Variants in CCDC116 observed in about 807,000 individuals in gnomAD.
CCDC116 encodes coiled-coil domain containing 116, also known as coiled-coil domain-containing protein 116.
Under a neutral mutation model 29.4 loss-of-function variants are expected in CCDC116, and 24 were observed. The observed-to-expected ratio is 0.82, with a 90% CI of 0.59 to 1.15. The LOEUF (loss-of-function observed/expected upper bound fraction) is 1.15. Ranked by LOEUF, CCDC116 falls within the 50% of genes most tolerant of loss-of-function variation. The probability of loss-of-function intolerance (pLI) is 0.00; values close to 1 mark genes in which losing one functional copy is unlikely to be tolerated. For missense variants in CCDC116, 791 were observed against 804.0 expected, an observed-to-expected ratio of 0.98 and a Z score of 0.20; for synonymous variants, 298 against 331.4, an observed-to-expected ratio of 0.90 and a Z score of 1.10.
chr22:21,636,852 C>T lies in CCDC116; in HGVS notation c.1624C>T (p.Pro542Ser). 6.2e-7 allele frequency: 1 copy of T among 1,613,500 alleles called. No homozygotes were observed. The highest frequency in any genetic ancestry group is 1.3e-5 in the African/African-American group (1 of 75,024). ...CACTGCCCAGGACCAGGCCACAGAGCCCTGCCGCTCCCTCTACACCAACTT... is the reference window on the plus strand; with the variant it reads ...CACTGCCCAGGACCAGGCCACAGAGTCCTGCCGCTCCCTCTACACCAACTT... ...THTAQDQATE[P>S]CRSLYTNLPA... The change falls in exon 5 of 5, where the codon CCC (proline) becomes TCC (serine). Residue 542 changes from proline (P) to serine (S), a missense_variant. Coordinates refer to ENST00000292779, the MANE Select transcript of CCDC116 (RefSeq NM_152612.3).
intron 4 of CCDC116, chr22:21,635,619 A>G (rs1930769059): frequency 2.8e-6 from 2 of 702,708 alleles, no homozygotes; most frequent in Non-Finnish European, 5.2e-6. Flanking sequence ...TTGCAGGAGA[A>G]GGGCTCCTTG....
In CCDC116 at chr22:21,635,056, C is replaced by T. The variant is rs761384457; in HGVS notation, c.993C>T (p.Asp331=). 2.1e-5 allele frequency: 33 copies of T among 1,609,324 alleles called. No individual in the cohort carries two copies. The highest frequency in any genetic ancestry group is 3.3e-4 in the Middle Eastern group (2 of 6,084). ...VDKLRGAHCR[D]GRPLFPTSLE... ...AGCTCCGTGGCGCCCACTGCCGCGACGGCCGTCCTCTGTTCCCCACCAGCT... is the reference window on the plus strand; with the variant it reads ...AGCTCCGTGGCGCCCACTGCCGCGATGGCCGTCCTCTGTTCCCCACCAGCT... Residue 331 remains aspartate (D), a synonymous_variant, in exon 4 of 5, where the codon GAC becomes GAT. Coordinates refer to ENST00000292779, the MANE Select transcript of CCDC116 (RefSeq NM_152612.3).
chr22:21,636,542 C>G lies in CCDC116; in HGVS notation c.1314C>G (p.Phe438Leu). The change falls in exon 5 of 5, where the codon TTC becomes TTG. Residue 438 changes from phenylalanine (F) to leucine (L), a missense_variant. Transcript: ENST00000292779. ...GCCTTTATGAGGAGCTCGCCGACTT[C>G]CTGACCCAGCAGGCAGCCTCCTTGG... is the stretch of plus-strand genomic sequence containing the variant. ...SNRLYEELAD[F>L]LTQQAASLVI... is the part of the protein sequence containing the mutation. The G allele has an allele frequency of 6.2e-7, 1 of 1,614,100 alleles. No individual in the cohort carries two copies. The highest frequency in any genetic ancestry group is 8.5e-7 in the Non-Finnish European group (1 of 1,180,024).
At chr22:21,635,779 T>G (rs1930776995) in intron 4 of CCDC116, 4 of 589,452 alleles carry the variant, frequency 6.8e-6, no homozygotes, top group Non-Finnish European at 3.0e-6. Context: ...CACAGATAAA[T>G]AAAGGCTATT....
chr22:21,637,090 AGG>A lies in CCDC116; in HGVS notation c.*21_*22del, dbSNP rs2066039095. ...GTCTAGAGCCTCCCAGAGCCTGGAG[AGG>A]AGGCCTCGGTCAGCCACTCCGTGGA... On this transcript the variant is annotated 3_prime_UTR_variant, in exon 5 of 5. Coordinates refer to ENST00000292779, the MANE Select transcript of CCDC116 (RefSeq NM_152612.3). 4 of 1,580,986 alleles carry A rather than the reference AGG, an allele frequency of 2.5e-6. No homozygotes were observed. The Admixed American group carries it at 5.4e-5, about 21-fold the overall frequency.
chr22:21,635,856 A>C, intron 4 of CCDC116: 1 of 539,160 alleles, frequency 1.9e-6, no homozygotes, highest in Non-Finnish European at 3.3e-6. Context: ...TGGGGGTGGA[A>C]AGTCCCGTCC....
rs897213116 is a variant in CCDC116, at chr22:21,632,847, G to T, written c.-63+20G>T. On this transcript the variant is annotated intron_variant, in intron 1 of 4. Transcript: ENST00000292779. Reference sequence around the variant, plus strand: ...TTTCTGGTGAGTCTGTTGATTCTGGGCTGGGGTGAAAGCCAGGTTGCCCAG... The same window carrying T: ...TTTCTGGTGAGTCTGTTGATTCTGGTCTGGGGTGAAAGCCAGGTTGCCCAG... The T allele has an allele frequency of 6.3e-6, 3 of 476,196 alleles. No individual in the cohort carries two copies. The highest frequency in any genetic ancestry group is 1.2e-5 in the Non-Finnish European group (3 of 251,294). The allele number at this position is 476,196 out of a possible 1,614,324, so 29.5% of individuals were successfully genotyped here. A position where few individuals can be genotyped will look rare whatever the true frequency, so the allele number is the denominator to read the frequency against.
chr22:21,633,291 C>T lies in CCDC116; in HGVS notation c.72+38C>T, dbSNP rs750498666. 4 of 1,485,370 alleles carry T rather than the reference C, an allele frequency of 2.7e-6. No individual in the cohort carries two copies. The Admixed American group carries it at 8.1e-5, about 30-fold the overall frequency. The allele number at this position is 1,485,370 out of a possible 1,614,324, so 92.0% of individuals were successfully genotyped here. On this transcript the variant is annotated intron_variant, in intron 2 of 4. Coordinates refer to ENST00000292779, the MANE Select transcript of CCDC116 (RefSeq NM_152612.3). ...AGCAGGGCGCCGACCCTTGAGGCCA[C>T]AACATGTTCCCCACCAACCCTGGCA...
chr22:21,637,324 C>T lies in CCDC116; in HGVS notation c.*254C>T. Reference sequence around the variant, plus strand: ...GTTGCTGGGACACAGGTTTGCTGTCCTGAGATTTCAGCCGCCATTTTATTT... The same window carrying T: ...GTTGCTGGGACACAGGTTTGCTGTCTTGAGATTTCAGCCGCCATTTTATTT... On this transcript the variant is annotated 3_prime_UTR_variant, in exon 5 of 5. Transcript: ENST00000292779. The T allele has an allele frequency of 2.7e-6, 1 of 372,594 alleles. No homozygotes were observed. The highest frequency in any genetic ancestry group is 4.8e-6 in the Non-Finnish European group (1 of 209,508). 23.1% of individuals were successfully genotyped at this position (372,594 alleles called of 1,614,324 possible). A position where few individuals can be genotyped will look rare whatever the true frequency, so the allele number is the denominator to read the frequency against.
In CCDC116 at chr22:21,634,792, A is replaced by G. The variant is rs1218609019; in HGVS notation, c.729A>G (p.Ser243=). The part of the protein sequence containing the change: ...WTQEQPLSWF[S]GLLGSSSGVP... ...AGGAGCAGCCCTTGTCCTGGTTCTCAGGGCTGCTGGGCTCAAGCTCTGGCG... is the reference window on the plus strand; with the variant it reads ...AGGAGCAGCCCTTGTCCTGGTTCTCGGGGCTGCTGGGCTCAAGCTCTGGCG... Residue 243 remains serine (S), a synonymous_variant, in exon 4 of 5, where the codon TCA becomes TCG. Transcript: ENST00000292779. The G allele has an allele frequency of 6.2e-7, 1 of 1,613,980 alleles. No individual in the cohort carries two copies. The highest frequency in any genetic ancestry group is 1.7e-5 in the Admixed American group (1 of 60,020).
chr22:21,636,828 A>G lies in CCDC116; in HGVS notation c.1600A>G (p.Thr534Ala). Residue 534 changes from threonine to alanine, a missense_variant, in exon 5 of 5, where the codon ACT (threonine) becomes GCT (alanine). By Grantham distance (58) the Thr-to-Ala change is moderately conservative. Transcript: ENST00000292779. The stretch of plus-strand genomic sequence containing the variant: ...TGTGCAGCAGGAACCAGCCACCCAC[A>G]CTGCCCAGGACCAGGCCACAGAGCC... ...PSVQQEPATHTAQDQATEPCR... is the reference protein window; with the variant it reads ...PSVQQEPATHAAQDQATEPCR... The G allele has an allele frequency of 6.2e-7, 1 of 1,613,116 alleles. No homozygotes were observed. The highest frequency in any genetic ancestry group is 2.2e-5 in the East Asian group (1 of 44,836).
chr22:21,634,905 G>A lies in CCDC116; in HGVS notation c.842G>A (p.Ser281Asn). 3 of 1,613,992 alleles carry A rather than the reference G, an allele frequency of 1.9e-6. No individual in the cohort carries two copies. Among genetic ancestry groups the A allele is most frequent in the Non-Finnish European group, 2.5e-6 (3 of 1,180,022 alleles). The part of the protein sequence containing the change: ...EFNKEIKSLL[S>N]QLESLDLPGY... ...AATAAGGAGATCAAGTCATTACTGA[G>A]CCAGCTGGAGTCCCTCGACCTGCCT... Residue 281 changes from serine (S) to asparagine (N), a missense_variant, in exon 4 of 5, where the codon AGC becomes AAC. Ser to Asn is a conservative substitution (Grantham distance 46). Transcript: ENST00000292779.
chr22:21,633,028 CG>C (rs889692637), intron 1 of CCDC116, 91 bp from the exon 2 acceptor site: 1 of 722,020 alleles, frequency 1.4e-6, no homozygotes, highest in African/African-American at 1.7e-5. Flanking sequence ...ATGAAGGAGG[CG>C]GGGTGCGGGG....
Position 21,637,199 on chromosome 22 carries a change from G to A in CCDC116, c.*129G>A, listed in dbSNP as rs1412000967. 7.2e-7 allele frequency: 1 copy of A among 1,387,222 alleles called. No individual in the cohort carries two copies. 85.9% of individuals were successfully genotyped at this position (1,387,222 alleles called of 1,614,324 possible). ...GTCAGAGTTGCTGCACATCACACCA[G>A]CCCCTGCCAAGAGCAGGAGTCACCA... On this transcript the variant is annotated 3_prime_UTR_variant, in exon 5 of 5. Transcript: ENST00000292779.
In CCDC116 at chr22:21,633,154, C is replaced by T; in HGVS notation, c.-28C>T. The T allele has an allele frequency of 3.2e-6, 5 of 1,542,530 alleles. No homozygotes were observed. The highest frequency in any genetic ancestry group is 4.4e-6 in the Non-Finnish European group (5 of 1,139,400). On this transcript the variant is annotated 5_prime_UTR_variant, in exon 2 of 5. Coordinates refer to ENST00000292779, the MANE Select transcript of CCDC116 (RefSeq NM_152612.3). ...CGCAGCTGAAGAGAGAGGTGGGCAG[C>T]AGGCCCGGTCACCTGCCAGGTGACC...
chr22:21,635,064 C>G lies in CCDC116; in HGVS notation c.1001C>G (p.Pro334Arg). 1 of 1,609,422 alleles carries G rather than the reference C, an allele frequency of 6.2e-7. No homozygotes were observed. Among genetic ancestry groups the G allele is most frequent in the Non-Finnish European group, 8.5e-7 (1 of 1,179,982 alleles). The change falls in exon 4 of 5, where the codon CCT (proline) becomes CGT (arginine). Residue 334 changes from proline (P) to arginine (R), a missense_variant. Transcript: ENST00000292779. ...GGCGCCCACTGCCGCGACGGCCGTCCTCTGTTCCCCACCAGCTTGGAGCCC... is the reference window on the plus strand; with the variant it reads ...GGCGCCCACTGCCGCGACGGCCGTCGTCTGTTCCCCACCAGCTTGGAGCCC... ...LRGAHCRDGR[P>R]LFPTSLEPTS...
intron 4 of CCDC116, 104 bp downstream of exon 4, chr22:21,635,370 G>A: frequency 1.9e-6 from 2 of 1,038,140 alleles, no homozygotes; most frequent in Non-Finnish European, 2.9e-6. Context: ...GTTTCCCTGA[G>A]CTCCAGCCAG....
Position 21,636,440 on chromosome 22 carries a change from C to T in CCDC116, c.1212C>T (p.Cys404=). ...VATRFKLKSP[C]SSSRFTKKKP... The stretch of plus-strand genomic sequence containing the variant: ...CCCCGGCTGCTATGCAGAGCCCCTG[C>T]AGCAGCAGCAGGTTCACGAAGAAGA... Residue 404 remains cysteine (C), a synonymous_variant, in exon 5 of 5, where the codon TGC becomes TGT. Coordinates refer to ENST00000292779, the MANE Select transcript of CCDC116 (RefSeq NM_152612.3). The T allele has an allele frequency of 1.2e-6, 2 of 1,609,210 alleles. No individual in the cohort carries two copies. The highest frequency in any genetic ancestry group is 8.5e-7 in the Non-Finnish European group (1 of 1,177,406).
rs1568997127 is a variant in CCDC116 at position 21,634,032 on chromosome 22, C to G, written c.83C>G (p.Pro28Arg). 6.2e-7 allele frequency: 1 copy of G among 1,606,230 alleles called. No homozygotes were observed. Among genetic ancestry groups the G allele is most frequent in the Admixed American group, 1.7e-5 (1 of 59,550 alleles). ...HSMCSARVQL[P>R]KKPLVPEMRP... is the part of the protein sequence containing the mutation. ...TACCTGTCTGCTCAGGTGCAGCTGC[C>G]CAAGAAGCCACTGGTCCCAGAAATG... Residue 28 changes from proline to arginine, a missense_variant, in exon 3 of 5, where the codon CCC becomes CGC. Coordinates refer to ENST00000292779, the MANE Select transcript of CCDC116 (RefSeq NM_152612.3).
Sources: allele counts gnomAD v4.1 joint callset, GRCh38; gene constraint gnomAD v4.1.1; transcripts MANE v1.5; gene names NCBI Gene and HGNC (gene_info 2026-07-23, HGNC 2026-07-21).